Variants in ULK2 observed in about 807,000 individuals in gnomAD.
ULK2 encodes unc-51 like autophagy activating kinase 2.
A neutral mutation model predicts 127.5 loss-of-function variants in ULK2; 76 were observed. The observed-to-expected ratio is 0.60, with a 90% CI of 0.50 to 0.72. The LOEUF (loss-of-function observed/expected upper bound fraction) is 0.72. Among genes scored for constraint, ULK2 ranks in the 30% least tolerant of loss-of-function variants. ULK2 has a pLI of 0.00. For missense variants in ULK2, 1,144 were observed against 1,295.9 expected, an observed-to-expected ratio of 0.88 and a Z score of 1.80; for synonymous variants, 452 against 461.9, an observed-to-expected ratio of 0.98 and a Z score of 0.28.
At chr17:19,796,972 C>T (rs910454627) in intron 18 of ULK2, among the ~76,000 whole-genome samples, 1 of 152,210 alleles carries the variant, frequency 6.6e-6, no homozygotes, top group African/African-American at 2.4e-5. Flanking sequence ...TACGCTGCAT[C>T]TGGTACACAG....
intron 12 of ULK2, among the ~76,000 whole-genome samples, chr17:19,819,546 A>G (rs191410396): frequency 1.3e-5 from 2 of 152,266 alleles, no homozygotes; most frequent in Non-Finnish European, 2.9e-5. Flanking sequence ...TCACAGAATG[A>G]TGGTTCCTAC....
intron 20 of ULK2, among the ~76,000 whole-genome samples, chr17:19,787,918 T>G (rs2087069814): frequency 6.6e-6 from 1 of 151,532 alleles, no homozygotes; most frequent in African/African-American, 2.4e-5. Context: ...GGAGGGAGAG[T>G]GCAGCAATTT....
At chr17:19,814,531 C>T (rs2152389773) in intron 13 of ULK2, among the ~76,000 whole-genome samples, 1 of 144,262 alleles carries the variant, frequency 6.9e-6, no homozygotes, top group African/African-American at 2.6e-5. Context: ...ACTGCAGCCT[C>T]AAACTCCCAA....
intron 3 of ULK2, among the ~76,000 whole-genome samples, chr17:19,856,540 C>G (rs994108131): frequency 6.6e-6 from 1 of 151,752 alleles, no homozygotes. Flanking sequence ...CGAGATCGCG[C>G]CACTGCACTC....
chr17:19,810,446 A>G lies in ULK2; in HGVS notation c.1097-8T>C, dbSNP rs929510697. 1.2e-5 allele frequency: 19 copies of G among 1,578,582 alleles called. No individual in the cohort carries two copies. Among genetic ancestry groups the G allele is most frequent in the Middle Eastern group, 3.4e-4 (2 of 5,964 alleles). On this transcript the variant is annotated splice_polypyrimidine_tract_variant and splice_region_variant and intron_variant, in intron 13 of 26. Coordinates refer to ENST00000395544, the MANE Select transcript of ULK2 (RefSeq NM_014683.4). Reference sequence around the variant, plus strand: ...TCCCCACTGGCATATCACCTAAAGGAGAGAAAAGAACAATCAGTTCCTGTT... The same window carrying G: ...TCCCCACTGGCATATCACCTAAAGGGGAGAAAAGAACAATCAGTTCCTGTT...
chr17:19,799,896 T>G (rs1567685731), intron 16 of ULK2, among the ~76,000 whole-genome samples: 1 of 152,222 alleles, frequency 6.6e-6, no homozygotes, highest in Non-Finnish European at 1.5e-5. Flanking sequence ...TGTCCGGGCT[T>G]GTGGAGCTGC....
chr17:19,827,563 G>A (rs2041325022), intron 10 of ULK2, among the ~76,000 whole-genome samples: 1 of 152,136 alleles, frequency 6.6e-6, no homozygotes, highest in Non-Finnish European at 1.5e-5. Flanking sequence ...CATTAAACAT[G>A]TCTTAATGAT....
intron 13 of ULK2, among the ~76,000 whole-genome samples, chr17:19,814,901 G>A (rs1284368015): frequency 6.6e-6 from 1 of 152,090 alleles, no homozygotes. Flanking sequence ...AATCAGTAGG[G>A]AAATGGATAA....
rs1291492136 is a variant in ULK2 at position 19,867,640 on chromosome 17, C to G, written c.-223G>C. The G allele has an allele frequency of 2.3e-5, 6 of 261,712 alleles. No homozygotes were observed. The highest frequency in any genetic ancestry group is 1.4e-4 in the African/African-American group (6 of 44,106). 16.2% of individuals were successfully genotyped at this position (261,712 alleles called of 1,614,324 possible). A position where few individuals can be genotyped will look rare whatever the true frequency, so the allele number is the denominator to read the frequency against. On this transcript the variant is annotated 5_prime_UTR_variant, in exon 1 of 27. The change abolishes an upstream ATG in the 5' untranslated region. Coordinates refer to ENST00000395544, the MANE Select transcript of ULK2 (RefSeq NM_014683.4). Reference sequence around the variant, plus strand: ...GAGGCCCGGCCCGGCCCCTGCCGCTCATGGCCCGGCCTGCCGCCGGCCGCT... The same window carrying G: ...GAGGCCCGGCCCGGCCCCTGCCGCTGATGGCCCGGCCTGCCGCCGGCCGCT...
chr17:19,830,479 G>C (rs759171710), intron 10 of ULK2, among the ~76,000 whole-genome samples: 66 of 152,206 alleles, frequency 4.3e-4, no homozygotes, highest in Non-Finnish European at 7.9e-4. Context: ...TAAGGTTACA[G>C]ATATGAGCCA....
intron 3 of ULK2, among the ~76,000 whole-genome samples, chr17:19,852,568 G>A (rs281345): frequency 0.097 from 14,516 of 150,076 alleles, 1,313 homozygotes; most frequent in East Asian, 0.39. Flanking sequence ...ATACTGCTAG[G>A]CTATTTAAAG....
intron 10 of ULK2, among the ~76,000 whole-genome samples, chr17:19,832,689 G>C (rs1048214841): frequency 2.0e-5 from 3 of 152,086 alleles, no homozygotes; most frequent in Admixed American, 2.0e-4. Flanking sequence ...TGTAGACAAA[G>C]GGGTGACCCC....
intron 8 of ULK2, among the ~76,000 whole-genome samples, chr17:19,841,959 C>A (rs2041768356): frequency 6.6e-6 from 1 of 152,062 alleles, no homozygotes; most frequent in Non-Finnish European, 1.5e-5. Flanking sequence ...CTGAAGGTTA[C>A]ACGGCCTGCC....
chr17:19,862,591 G>C (rs555135682), intron 3 of ULK2, among the ~76,000 whole-genome samples: 9 of 151,832 alleles, frequency 5.9e-5, no homozygotes, highest in African/African-American at 1.7e-4. Flanking sequence ...TCAGGCTCCT[G>C]AGTAGCTGGG....
At chr17:19,815,345 C>T (rs1227935863) in intron 13 of ULK2, among the ~76,000 whole-genome samples, 1 of 152,120 alleles carries the variant, frequency 6.6e-6, no homozygotes, top group Non-Finnish European at 1.5e-5. Flanking sequence ...ACTGCAACCT[C>T]CCCCTCCCAG....
At chr17:19,794,489 C>T (rs760345402) in intron 20 of ULK2, among the ~76,000 whole-genome samples, 11 of 152,044 alleles carry the variant, frequency 7.2e-5, no homozygotes, top group Non-Finnish European at 1.2e-4. Flanking sequence ...ATTCAAACTT[C>T]GGAGAATCAA....
chr17:19,853,951 ACAC>A, intron 3 of ULK2, among the ~76,000 whole-genome samples: 1 of 152,296 alleles, frequency 6.6e-6, no homozygotes, highest in African/African-American at 2.4e-5. Context: ...ACATTGATTG[ACAC>A]CACAGCAAAT....
At chr17:19,799,419 T>C (rs1165240822) in intron 17 of ULK2, 76 bp downstream of exon 17, 1 of 1,258,026 alleles carries the variant, frequency 7.9e-7, no homozygotes, top group African/African-American at 1.5e-5. Flanking sequence ...TGTTCTTTGA[T>C]AAAACTAGAA....
At position 19,780,621 on chromosome 17, in the gene ULK2, TCTTGACAA is replaced by T. The variant is rs1363139768; in HGVS notation, c.2759_2766del (p.Val920GlufsTer7). 1.2e-6 allele frequency: 2 copies of T among 1,600,856 alleles called. No homozygotes were observed. Among genetic ancestry groups the T allele is most frequent in the Admixed American group, 3.5e-5 (2 of 56,872 alleles). On this transcript the variant is annotated frameshift_variant and splice_region_variant, in exon 25 of 27. Transcript: ENST00000395544. LOFTEE classifies it high-confidence loss of function. Reference sequence around the variant, plus strand: ...CAGAATTTATATCGTTCGTTCAGATTCTTGACAACTGAAAAAAAATTGAGATGGGAACT... The same window carrying T: ...CAGAATTTATATCGTTCGTTCAGATTCTGAAAAAAAATTGAGATGGGAACT...
Sources: allele counts gnomAD v4.1 joint callset (sites outside exome capture counted in the v4.1 genomes callset), GRCh38; gene constraint gnomAD v4.1.1; transcripts MANE v1.5; gene names NCBI Gene and HGNC (gene_info 2026-07-23, HGNC 2026-07-21).